Variants in TBC1D22A observed in about 807,000 individuals in gnomAD.
The protein encoded by TBC1D22A is TBC1 domain family member 22A.
A neutral mutation model predicts 60.2 loss-of-function variants in TBC1D22A; 38 were observed. The ratio of observed to expected loss-of-function variants is 0.63; its 90% CI spans 0.49 to 0.83. The LOEUF is 0.83. TBC1D22A is among the 40% of genes least tolerant of loss of function. TBC1D22A has a pLI of 0.00. For missense variants in TBC1D22A, 628 were observed against 701.0 expected (o/e 0.90, Z 1.18); for synonymous variants, 302 against 281.7 (o/e 1.07, Z -0.72).
chr22:47,111,980 G>A (rs1460758805), intron 12 of TBC1D22A, among the ~76,000 whole-genome samples: 1 of 152,220 alleles, frequency 6.6e-6, no homozygotes, highest in Non-Finnish European at 1.5e-5. Flanking sequence ...ACAGGGCTGG[G>A]CAAGAAATCA....
intron 8 of TBC1D22A, among the ~76,000 whole-genome samples, chr22:46,946,681 T>G (rs2072566587): frequency 1.3e-5 from 2 of 152,220 alleles, no homozygotes; most frequent in Non-Finnish European, 2.9e-5. Flanking sequence ...AGTTTTCATT[T>G]TGAGGTGAGT....
chr22:46,849,739 A>C (rs2087182863), intron 4 of TBC1D22A, among the ~76,000 whole-genome samples: 1 of 152,174 alleles, frequency 6.6e-6, no homozygotes, highest in Non-Finnish European at 1.5e-5. Context: ...TAAAAGTTGC[A>C]ACGACAAAAT....
intron 4 of TBC1D22A, among the ~76,000 whole-genome samples, chr22:46,843,991 A>G (rs1382172626): frequency 6.6e-6 from 1 of 151,396 alleles, no homozygotes; most frequent in African/African-American, 2.4e-5. Context: ...AGGCAGATAG[A>G]TGTTTGTGGG....
intron 8 of TBC1D22A, among the ~76,000 whole-genome samples, chr22:46,958,380 G>T (rs2073321724): frequency 6.6e-6 from 1 of 152,148 alleles, no homozygotes; most frequent in Admixed American, 6.5e-5. Context: ...AGGGCAGCCT[G>T]TATCCTCTCT....
intron 12 of TBC1D22A, among the ~76,000 whole-genome samples, chr22:47,143,714 C>T (rs1030230854): frequency 3.3e-5 from 5 of 152,232 alleles, no homozygotes; most frequent in African/African-American, 1.2e-4. Flanking sequence ...TGCCTAGTAG[C>T]TCTGCATGCA....
chr22:46,865,787 C>T (rs1237853679), intron 4 of TBC1D22A, among the ~76,000 whole-genome samples: 1 of 152,212 alleles, frequency 6.6e-6, no homozygotes, highest in African/African-American at 2.4e-5. Context: ...TTTTTGCTTA[C>T]TCTTTGTTCT....
At chr22:46,951,338 C>T (rs1602632205) in intron 8 of TBC1D22A, among the ~76,000 whole-genome samples, 2 of 152,210 alleles carry the variant, frequency 1.3e-5, no homozygotes, top group East Asian at 3.9e-4. Flanking sequence ...TTCAGAAGAA[C>T]GTTCTAAAAT....
At chr22:46,768,397 G>A (rs536585533) in intron 1 of TBC1D22A, among the ~76,000 whole-genome samples, 130 of 150,422 alleles carry the variant, frequency 8.6e-4, no homozygotes, top group Non-Finnish European at 1.5e-3. Flanking sequence ...AGGCAGGAGA[G>A]TCGCTTGAAC....
intron 4 of TBC1D22A, among the ~76,000 whole-genome samples, chr22:46,871,469 G>A (rs1347063622): frequency 6.6e-6 from 1 of 152,172 alleles, no homozygotes; most frequent in East Asian, 1.9e-4. Context: ...GCCCCAAAAA[G>A]TTATAGTAAA....
At chr22:46,818,679 C>A (rs1443684672) in intron 4 of TBC1D22A, among the ~76,000 whole-genome samples, 1 of 152,124 alleles carries the variant, frequency 6.6e-6, no homozygotes, top group East Asian at 1.9e-4. Flanking sequence ...TAGCATGATG[C>A]TTCTAGCTTT....
intron 11 of TBC1D22A, among the ~76,000 whole-genome samples, chr22:47,054,704 A>T (rs2148453826): frequency 6.6e-6 from 1 of 152,006 alleles, no homozygotes; most frequent in African/African-American, 2.4e-5. Context: ...GTCAAGTAGC[A>T]GGGCCGGTGG....
chr22:47,130,647 C>T (rs1315284648), intron 12 of TBC1D22A, among the ~76,000 whole-genome samples: 1 of 152,182 alleles, frequency 6.6e-6, no homozygotes, highest in East Asian at 1.9e-4. Flanking sequence ...ACACCTCTGC[C>T]CTGAGTGTGG....
intron 5 of TBC1D22A, among the ~76,000 whole-genome samples, chr22:46,885,365 G>A (rs1434740448): frequency 2.0e-5 from 3 of 152,166 alleles, no homozygotes; most frequent in South Asian, 2.1e-4. Flanking sequence ...CATTAACCAC[G>A]TTTCCTGAGC....
rs148522100 is a variant in TBC1D22A, at chr22:47,004,783, TAC to T, written c.1201+7083_1201+7084del. 7.3e-5 allele frequency among the ~76,000 whole-genome samples: 11 copies of T among 150,546 alleles called. No homozygotes were observed. The East Asian group carries it at 1.8e-3, about 24-fold the overall frequency. The stretch of plus-strand genomic sequence containing the variant: ...CTATATACACACTCAGATGCCTATA[TAC>T]ACACACACTCCTACACAAATGCCTG... On this transcript the variant is annotated intron_variant, in intron 10 of 12. Coordinates refer to ENST00000337137, the MANE Select transcript of TBC1D22A (RefSeq NM_014346.5).
intron 11 of TBC1D22A, among the ~76,000 whole-genome samples, chr22:47,041,337 A>G (rs1225143985): frequency 6.6e-6 from 1 of 152,110 alleles, no homozygotes; most frequent in Non-Finnish European, 1.5e-5. Flanking sequence ...TGGGCTTCGG[A>G]TCTGGTCATT....
chr22:47,155,810 G>A (rs577149643), intron 12 of TBC1D22A, among the ~76,000 whole-genome samples: 2 of 151,874 alleles, frequency 1.3e-5, no homozygotes, highest in East Asian at 3.9e-4. Context: ...TGACCTTTCT[G>A]TGCGGAGCTA....
At chr22:46,841,729 G>A (rs1337255996) in intron 4 of TBC1D22A, among the ~76,000 whole-genome samples, 5 of 152,194 alleles carry the variant, frequency 3.3e-5, no homozygotes, top group Admixed American at 6.5e-5. Context: ...ATAAACTTTC[G>A]TTTATACGAT....
chr22:47,132,488 C>T (rs2066710946), intron 12 of TBC1D22A, among the ~76,000 whole-genome samples: 1 of 149,808 alleles, frequency 6.7e-6, no homozygotes, highest in African/African-American at 2.5e-5. Context: ...TGGCTGCTTA[C>T]CTGCCCGGCC....
rs1483585473 is a variant in TBC1D22A, at chr22:46,978,554, A to G, written c.1125+4155A>G. On this transcript the variant is annotated intron_variant, in intron 9 of 12. Coordinates refer to ENST00000337137, the MANE Select transcript of TBC1D22A (RefSeq NM_014346.5). ...TGGTATTTTTTGTTTTAGCTGAAGA[A>G]TGTGAAGAAAATCCAGCATTACATA... is the stretch of plus-strand genomic sequence containing the variant. Among the ~76,000 whole-genome samples, 3 of 152,196 alleles carry G rather than the reference A, an allele frequency of 2.0e-5. No individual in the cohort carries two copies. The East Asian group carries it at 5.8e-4, about 29-fold the overall frequency.
Sources: gnomAD v4.1 joint callset for allele counts (sites outside exome capture counted in the v4.1 genomes callset) on GRCh38, gnomAD v4.1.1 for gene constraint, MANE v1.5 for transcripts, NCBI Gene and HGNC (gene_info 2026-07-23, HGNC 2026-07-21) for gene names.